The following ZNF296 variants were observed in gnomAD, a reference collection of about 807,000 sequenced individuals.
ZNF296 encodes the protein zinc finger protein 342.
ZNF296 carries 1 observed loss-of-function variant against 13.2 expected under a neutral mutation model. The ratio of observed to expected loss-of-function variants is 0.08; its 90% CI spans 0.03 to 0.36. ZNF296 has a LOEUF of 0.36. Ranked by LOEUF, ZNF296 falls within the 10% of genes least tolerant of loss-of-function variation. The pLI is 0.99. For synonymous variants in ZNF296, 303 were observed against 289.0 expected (o/e 1.05, Z -0.49); for missense variants, 555 against 688.2 (o/e 0.81, Z 2.16).
In ZNF296 at chr19:45,071,972, C is replaced by G; in HGVS notation, c.1057G>C (p.Gly353Arg). The change falls in exon 3 of 3, where the codon GGA becomes CGA. Residue 353 changes from glycine to arginine, a missense_variant. By Grantham distance (125) the Gly-to-Arg change is moderately radical. Around this residue, in one of 3 missense-constraint regions of ZNF296, gnomAD observed 410 missense variants for 548.0 expected, o/e 0.75. Coordinates refer to ENST00000303809, the MANE Select transcript of ZNF296 (RefSeq NM_145288.3). The stretch of plus-strand genomic sequence containing the variant: ...GTTCTTTGTTCCGTGGTGATGGCTC[C>G]CCAAGTGTCTCCACCAGGGCCGGCT... ...AQAGPGGDTW[G>R]AITTEQRTDP... 2.5e-6 allele frequency: 4 copies of G among 1,613,616 alleles called. No individual in the cohort carries two copies. Among genetic ancestry groups the G allele is most frequent in the South Asian group, 1.1e-5 (1 of 91,088 alleles).
Position 45,076,068 on chromosome 19 carries a change from G to A in ZNF296, c.298+8C>T, listed in dbSNP as rs763666403. 11 of 1,581,324 alleles carry A rather than the reference G, an allele frequency of 7.0e-6. No individual in the cohort carries two copies. Among genetic ancestry groups the A allele is most frequent in the Admixed American group, 2.0e-5 (1 of 50,398 alleles). On this transcript the variant is annotated splice_region_variant and intron_variant, in intron 1 of 2. Coordinates refer to ENST00000303809, the MANE Select transcript of ZNF296 (RefSeq NM_145288.3). This position sits in a 1 kb window ranked among gnomAD's most constrained non-coding sequence, Gnocchi z 4.9. ...AGGGAGGCTGGGCCCAGGGCCCGGGGTGCTCACCGGGATAGTTCGGGGTCA... is the reference window on the plus strand; with the variant it reads ...AGGGAGGCTGGGCCCAGGGCCCGGGATGCTCACCGGGATAGTTCGGGGTCA...
rs367933979 is a variant in ZNF296 at position 45,074,980 on chromosome 19, T to A, written c.448+733A>T. 1.2e-4 allele frequency among the ~76,000 whole-genome samples: 18 copies of A among 152,046 alleles called. No homozygotes were observed. In the East Asian group the frequency reaches 3.3e-3, roughly 28 times the overall value. On this transcript the variant is annotated intron_variant, in intron 2 of 2. Coordinates refer to ENST00000303809, the MANE Select transcript of ZNF296 (RefSeq NM_145288.3). ...CCTCCCTGGCCCAACCCTAAATAAT[T>A]CCACTTCTCAAAAGTCTCAGAAGGG...
rs893896270 is a variant in ZNF296 at position 45,076,446 on chromosome 19, A to G, written c.-73T>C. 1 of 1,115,394 alleles carries G rather than the reference A, an allele frequency of 9.0e-7. No homozygotes were observed. Among genetic ancestry groups the G allele is most frequent in the Non-Finnish European group, 1.1e-6 (1 of 887,424 alleles). 69.1% of individuals were successfully genotyped at this position (1,115,394 alleles called of 1,614,324 possible). A position where few individuals can be genotyped will look rare whatever the true frequency, so the allele number is the denominator to read the frequency against. On this transcript the variant is annotated 5_prime_UTR_variant, in exon 1 of 3. Coordinates refer to ENST00000303809, the MANE Select transcript of ZNF296 (RefSeq NM_145288.3). The surrounding 1 kb of genome is among the most constrained non-coding windows in gnomAD (Gnocchi z 4.9). ...CGGGCGGAGGACGCACGAGCGGAGG[A>G]CGCGCGGACCGTGCGCGCTCAGGTG...
Position 45,072,311 on chromosome 19 carries a change from G to T in ZNF296, c.718C>A (p.Leu240Ile). 6.2e-7 allele frequency: 1 copy of T among 1,613,300 alleles called. No homozygotes were observed. Among genetic ancestry groups the T allele is most frequent in the East Asian group, 2.2e-5 (1 of 44,878 alleles). Residue 240 changes from leucine to isoleucine, a missense_variant, in exon 3 of 3, where the codon CTC becomes ATC. Around this residue, in one of 3 missense-constraint regions of ZNF296, gnomAD observed 410 missense variants for 548.0 expected, o/e 0.75. Transcript: ENST00000303809. ...SPTCPVCKKT[L>I]SSFSNLKVHM... ...ACTTTGAGGTTGCTGAAGGAGCTGA[G>T]GGTCTTCTTGCACACAGGACAGGTG...
Position 45,076,161 on chromosome 19 carries a change from G to T in ZNF296, c.213C>A (p.Gly71=). 6.5e-7 allele frequency: 1 copy of T among 1,534,912 alleles called. No individual in the cohort carries two copies. Among genetic ancestry groups the T allele is most frequent in the Non-Finnish European group, 8.7e-7 (1 of 1,145,604 alleles). Residue 71 remains glycine, a synonymous_variant, in exon 1 of 3, where the codon GGC becomes GGA. Transcript: ENST00000303809. The surrounding 1 kb of genome is among the most constrained non-coding windows in gnomAD (Gnocchi z 4.9). The part of the protein sequence containing the change: ...RFGGEPHHSP[G]PMPAGAALLA... ...GGAGGGCGGCCCCGGCGGGCATGGG[G>T]CCAGGGGAGTGGTGGGGTTCGCCGC...
chr19:45,075,836 G>A lies in ZNF296; in HGVS notation c.325C>T (p.Pro109Ser). The A allele has an allele frequency of 6.2e-7, 1 of 1,614,132 alleles. No individual in the cohort carries two copies. Among genetic ancestry groups the A allele is most frequent in the Non-Finnish European group, 8.5e-7 (1 of 1,180,008 alleles). ...PDRQPWTDKHPDLLTCGRCLQ... is the reference protein window; with the variant it reads ...PDRQPWTDKHSDLLTCGRCLQ... The stretch of plus-strand genomic sequence containing the variant: ...CAGCGGCCGCAGGTCAACAGATCTG[G>A]GTGTTTGTCGGTCCAGGGCTGGCGG... The change falls in exon 2 of 3, where the codon CCA (proline) becomes TCA (serine). Residue 109 changes from proline (P) to serine (S), a missense_variant. Around this residue, in one of 3 missense-constraint regions of ZNF296, gnomAD observed 410 missense variants for 548.0 expected, o/e 0.75. Transcript: ENST00000303809.
intron 2 of ZNF296, among the ~76,000 whole-genome samples, chr19:45,073,674 T>C (rs1256870935): frequency 1.3e-5 from 2 of 151,464 alleles, no homozygotes; most frequent in African/African-American, 4.8e-5. Context: ...CTCAAAGTGC[T>C]GGGATTATAG....
intron 2 of ZNF296, among the ~76,000 whole-genome samples, chr19:45,072,951 C>T (rs922856957): frequency 1.3e-5 from 2 of 152,178 alleles, no homozygotes; most frequent in Non-Finnish European, 2.9e-5. Context: ...GGGGTTTCAC[C>T]GTGTTGGCCA....
Position 45,076,062 on chromosome 19 carries a change from C to T in ZNF296, c.298+14G>A. The T allele has an allele frequency of 6.3e-7, 1 of 1,578,702 alleles. No individual in the cohort carries two copies. Among genetic ancestry groups the T allele is most frequent in the East Asian group, 2.3e-5 (1 of 44,022 alleles). ...AAGGTAAGGGAGGCTGGGCCCAGGG[C>T]CCGGGGTGCTCACCGGGATAGTTCG... On this transcript the variant is annotated intron_variant, in intron 1 of 2. Coordinates refer to ENST00000303809, the MANE Select transcript of ZNF296 (RefSeq NM_145288.3). This position sits in a 1 kb window ranked among gnomAD's most constrained non-coding sequence, Gnocchi z 4.9.
rs1234663616 is a variant in ZNF296 at position 45,072,425 on chromosome 19, C to A, written c.604G>T (p.Val202Leu). Residue 202 changes from valine to leucine, a missense_variant, in exon 3 of 3, where the codon GTG becomes TTG. Val to Leu is a conservative substitution (Grantham distance 32). Transcript: ENST00000303809. ...ACCACTGCCGACACGGCTGCAGCCA[C>A]CTCGGCCAGGCCCAGGAGCGGGGCC... ...PEAPLLGLAE[V>L]AAAVSAVVGP... 4 of 1,612,774 alleles carry A rather than the reference C, an allele frequency of 2.5e-6. No individual in the cohort carries two copies. The highest frequency in any genetic ancestry group is 3.3e-4 in the Middle Eastern group (2 of 6,060).
In ZNF296 at chr19:45,076,267, G is replaced by A; in HGVS notation, c.107C>T (p.Pro36Leu). 2 of 1,493,004 alleles carry A rather than the reference G, an allele frequency of 1.3e-6. No individual in the cohort carries two copies. The highest frequency in any genetic ancestry group is 1.3e-5 in the South Asian group (1 of 74,758). 92.5% of individuals were successfully genotyped at this position (1,493,004 alleles called of 1,614,324 possible). The change falls in exon 1 of 3, where the codon CCC becomes CTC. Residue 36 changes from proline to leucine, a missense_variant. Pro to Leu is a moderately conservative substitution (Grantham distance 98). Transcript: ENST00000303809. The surrounding 1 kb of genome is among the most constrained non-coding windows in gnomAD (Gnocchi z 4.9). The stretch of plus-strand genomic sequence containing the variant: ...CTGTTGGGGCTGCGCGTCTGGCTCG[G>A]GCTTGAGTTCGATGACGAGGTCCTG... ...EMQDLVIELK[P>L]EPDAQPQQAP...
chr19:45,071,724 C>T lies in ZNF296; in HGVS notation c.1305G>A (p.Met435Ile). Residue 435 changes from methionine (M) to isoleucine (I), a missense_variant, in exon 3 of 3, where the codon ATG (methionine) becomes ATA (isoleucine). Coordinates refer to ENST00000303809, the MANE Select transcript of ZNF296 (RefSeq NM_145288.3). ...GGGTGCTGCCAGGCGTCATGCCGTG[C>T]ATGCGGCGGTGGCGGTTGAGCTTAC... ...QSSKLNRHRRMHGMTPGSTRF... is the reference protein window; with the variant it reads ...QSSKLNRHRRIHGMTPGSTRF... 6.2e-7 allele frequency: 1 copy of T among 1,604,292 alleles called. No homozygotes were observed. Among genetic ancestry groups the T allele is most frequent in the Non-Finnish European group, 8.5e-7 (1 of 1,174,318 alleles).
At position 45,071,587 on chromosome 19, in the gene ZNF296, G is replaced by T; in HGVS notation, c.*14C>A. ...GCAGCGGTACCAGGGACAGTGAGGG[G>T]GGCTTTCCTGGGCTCAGGCCTCGCC... On this transcript the variant is annotated 3_prime_UTR_variant, in exon 3 of 3. Transcript: ENST00000303809. The T allele has an allele frequency of 6.6e-7, 1 of 1,506,130 alleles. No individual in the cohort carries two copies. 93.3% of individuals were successfully genotyped at this position (1,506,130 alleles called of 1,614,324 possible).
chr19:45,075,209 A>G (rs1198112893), intron 2 of ZNF296, among the ~76,000 whole-genome samples: 1 of 152,190 alleles, frequency 6.6e-6, no homozygotes, highest in African/African-American at 2.4e-5. Context: ...GAGGGAAGCC[A>G]GAAGCCCCTT....
rs1967357362 is a variant in ZNF296 at position 45,076,469 on chromosome 19, G to A, written c.-96C>T. On this transcript the variant is annotated 5_prime_UTR_variant, in exon 1 of 3. Coordinates refer to ENST00000303809, the MANE Select transcript of ZNF296 (RefSeq NM_145288.3). This position sits in a 1 kb window ranked among gnomAD's most constrained non-coding sequence, Gnocchi z 4.9. ...GGACGCGCGGACCGTGCGCGCTCAG[G>A]TGAGTGACTGCGGCGACCCGCCGCG... 4 of 948,568 alleles carry A rather than the reference G, an allele frequency of 4.2e-6. No homozygotes were observed. Among genetic ancestry groups the A allele is most frequent in the South Asian group, 1.0e-4 (2 of 19,336 alleles). The allele number at this position is 948,568 out of a possible 1,614,324, so 58.8% of individuals were successfully genotyped here.
At position 45,075,653 on chromosome 19, in the gene ZNF296, T is replaced by C. The variant is rs1356630052; in HGVS notation, c.448+60A>G. 1.9e-6 allele frequency: 3 copies of C among 1,592,778 alleles called. No individual in the cohort carries two copies. In the East Asian group the frequency reaches 6.7e-5, roughly 36 times the overall value. ...GTGCCCTGCCGTCCAGCCCAGCCCC[T>C]TTCCAGCAGGAAGCCCAGCCCTCGA... is the stretch of plus-strand genomic sequence containing the variant. On this transcript the variant is annotated intron_variant, in intron 2 of 2. Coordinates refer to ENST00000303809, the MANE Select transcript of ZNF296 (RefSeq NM_145288.3).
intron 2 of ZNF296, among the ~76,000 whole-genome samples, chr19:45,073,610 C>T (rs1453824575): frequency 6.8e-6 from 1 of 146,560 alleles, no homozygotes; most frequent in Non-Finnish European, 1.5e-5. Flanking sequence ...CGCACCCGGC[C>T]GCCCAGGCTA....
intron 2 of ZNF296, among the ~76,000 whole-genome samples, chr19:45,075,054 A>G (rs77632188): frequency 0.01 from 1,531 of 152,274 alleles, 8 homozygotes; most frequent in South Asian, 0.018. Flanking sequence ...CCTGCAGCCA[A>G]CACTGACCAA....
chr19:45,075,933 G>A, intron 1 of ZNF296, 71 bp from the exon 2 acceptor site: 2 of 1,598,486 alleles, frequency 1.3e-6, no homozygotes, highest in East Asian at 2.2e-5. Flanking sequence ...GAAGGAGAGG[G>A]GAAACCGAAG....
Sources: allele counts gnomAD v4.1 joint callset (sites outside exome capture counted in the v4.1 genomes callset), GRCh38; gene constraint gnomAD v4.1.1; regional missense constraint gnomAD v4.1.1; non-coding constraint Gnocchi (gnomAD v3.1); transcripts MANE v1.5; gene names NCBI Gene and HGNC (gene_info 2026-07-23, HGNC 2026-07-21).